The following SGCD variants were observed in gnomAD, a reference collection of about 807,000 sequenced individuals.
SGCD encodes the protein delta-sarcoglycan.
SGCD carries 18 observed loss-of-function variants against 36.6 expected under a neutral mutation model. The observed-to-expected ratio is 0.49, with a 90% CI of 0.34 to 0.73. SGCD has a LOEUF of 0.73. SGCD is among the 30% of genes least tolerant of loss of function. The probability of loss-of-function intolerance (pLI) is 0.01; values close to 1 mark genes in which losing one functional copy is unlikely to be tolerated. For synonymous variants in SGCD, 133 were observed against 130.6 expected (o/e 1.02, Z -0.12); for missense variants, 387 against 346.7 (o/e 1.12, Z -0.92).
At chr5:156,073,940 G>T (rs2127589273) in intron 1 of SGCD, among the ~76,000 whole-genome samples, 1 of 152,290 alleles carries the variant, frequency 6.6e-6, no homozygotes, top group Admixed American at 6.5e-5. Context: ...GGGTGGAGAG[G>T]AGCCATTTCA....
intron 7 of SGCD, among the ~76,000 whole-genome samples, chr5:156,677,690 TAA>T (rs200773652): frequency 3.4e-5 from 5 of 147,372 alleles, no homozygotes; most frequent in African/African-American, 5.0e-5. Context: ...AGTATATAGA[TAA>T]AAAAAAAAGA....
At chr5:156,347,845 G>C (rs543990144) in intron 3 of SGCD, among the ~76,000 whole-genome samples, 15 of 152,106 alleles carry the variant, frequency 9.9e-5, no homozygotes, top group Admixed American at 2.6e-4. Context: ...ATGACATTAA[G>C]GTAATAATCT....
chr5:156,013,071 G>T (rs1180726794), intron 1 of SGCD, among the ~76,000 whole-genome samples: 1 of 150,294 alleles, frequency 6.7e-6, no homozygotes, highest in African/African-American at 2.5e-5. Context: ...TGTCGCCAAG[G>T]CTGGAGTGCA....
intron 1 of SGCD, among the ~76,000 whole-genome samples, chr5:155,985,487 C>A (rs975223178): frequency 1.8e-4 from 28 of 152,274 alleles, no homozygotes; most frequent in African/African-American, 5.8e-4. Context: ...TTACATGGGG[C>A]CATCAGGATA....
intron 3 of SGCD, among the ~76,000 whole-genome samples, chr5:156,186,689 C>G (rs146988745): frequency 4.6e-5 from 7 of 152,276 alleles, no homozygotes; most frequent in Admixed American, 4.6e-4. Context: ...AATTGATATT[C>G]TCTGCTGTCC....
chr5:155,902,799 A>G (rs531283842), intron 1 of SGCD, among the ~76,000 whole-genome samples: 1 of 152,348 alleles, frequency 6.6e-6, no homozygotes, highest in South Asian at 2.1e-4. Context: ...TAAGGATATT[A>G]CAATTGCTTA....
chr5:156,404,643 G>A (rs1772320014), intron 3 of SGCD, among the ~76,000 whole-genome samples: 1 of 151,986 alleles, frequency 6.6e-6, no homozygotes, highest in African/African-American at 2.4e-5. Flanking sequence ...CACTTTATAT[G>A]TATACCCTTT....
intron 3 of SGCD, among the ~76,000 whole-genome samples, chr5:156,176,458 A>C (rs1292406279): frequency 2.6e-5 from 4 of 152,146 alleles, no homozygotes; most frequent in African/African-American, 9.7e-5. Context: ...AAGACAAAAA[A>C]AGTATTTCTT....
At chr5:155,733,633 C>CT in the SGCD span, among the ~76,000 whole-genome samples, 48,005 of 146,746 alleles carry the variant, frequency 0.33, 7,991 homozygotes, top group East Asian at 0.44. Flanking sequence ...ATGCTGGACA[C>CT]TTTTTTTTTT....
intron 3 of SGCD, among the ~76,000 whole-genome samples, chr5:156,319,272 A>G (rs1384845926): frequency 6.6e-6 from 1 of 152,176 alleles, no homozygotes; most frequent in Non-Finnish European, 1.5e-5. Flanking sequence ...ATCCCTTACC[A>G]TTAAACCCTA....
At chr5:156,631,908 G>A (rs971958825) in intron 6 of SGCD, among the ~76,000 whole-genome samples, 4 of 152,160 alleles carry the variant, frequency 2.6e-5, no homozygotes, top group African/African-American at 9.7e-5. Flanking sequence ...TCAAGACATA[G>A]AAGCCTCTAC....
intron 3 of SGCD, among the ~76,000 whole-genome samples, chr5:156,248,187 G>C (rs544617360): frequency 4.1e-4 from 62 of 152,248 alleles, no homozygotes; most frequent in African/African-American, 1.4e-3. Flanking sequence ...TCCAGGTAGA[G>C]GGAACAGAAA....
intron 7 of SGCD, among the ~76,000 whole-genome samples, chr5:156,669,078 C>G (rs750442872): frequency 1.3e-5 from 2 of 152,090 alleles, no homozygotes; most frequent in African/African-American, 2.4e-5. Context: ...TGCTAATGGA[C>G]AACTGGTGGT....
chr5:156,574,000 G>A (rs1759826527), intron 4 of SGCD, among the ~76,000 whole-genome samples: 1 of 152,054 alleles, frequency 6.6e-6, no homozygotes. Context: ...TCCCCATCCT[G>A]TTCTTTAATA....
At chr5:156,308,330 G>A (rs1259408521) in intron 3 of SGCD, among the ~76,000 whole-genome samples, 2 of 148,586 alleles carry the variant, frequency 1.3e-5, no homozygotes, top group Non-Finnish European at 3.0e-5. Context: ...ACGGAGTCTC[G>A]CCCTGTCACC....
chr5:156,042,305 A>G (rs544479717), intron 1 of SGCD, among the ~76,000 whole-genome samples: 1 of 152,220 alleles, frequency 6.6e-6, no homozygotes, highest in East Asian at 1.9e-4. Flanking sequence ...AAACTGAAGA[A>G]CTGAGAGGCT....
intron 1 of SGCD, among the ~76,000 whole-genome samples, chr5:155,905,580 G>A (rs191113767): frequency 6.6e-6 from 1 of 152,028 alleles, no homozygotes; most frequent in Non-Finnish European, 1.5e-5. Flanking sequence ...TCATTTTATT[G>A]CATTTGGCTT....
chr5:156,546,823 C>A (rs1758594136), intron 4 of SGCD, among the ~76,000 whole-genome samples: 1 of 151,996 alleles, frequency 6.6e-6, no homozygotes, highest in Non-Finnish European at 1.5e-5. Context: ...AGTATTTAAG[C>A]AAAGAAATAG....
At chr5:156,358,989 C>T (rs1175070738) in intron 3 of SGCD, among the ~76,000 whole-genome samples, 1 of 151,840 alleles carries the variant, frequency 6.6e-6, no homozygotes, top group Non-Finnish European at 1.5e-5. Flanking sequence ...TTATGTAACA[C>T]TTGTGGGATT....
Sources: gnomAD v4.1 joint callset for allele counts (sites outside exome capture counted in the v4.1 genomes callset) on GRCh38, gnomAD v4.1.1 for gene constraint, MANE v1.5 for transcripts, NCBI Gene and HGNC (gene_info 2026-07-23, HGNC 2026-07-21) for gene names.